Variants in PLCG2 observed in about 807,000 individuals in gnomAD.
The protein encoded by PLCG2 is phospholipase C gamma 2, also known as 1-phosphatidylinositol 4,5-bisphosphate phosphodiesterase gamma-2.
In PLCG2, 69 loss-of-function variants were observed where a neutral mutation model predicts 175.6. The observed-to-expected ratio is 0.39, with a 90% CI of 0.32 to 0.48. The LOEUF (loss-of-function observed/expected upper bound fraction) is 0.48, where lower values mean the gene tolerates loss of function less well. Ranked by LOEUF, PLCG2 falls within the 20% of genes least tolerant of loss-of-function variation. The pLI is 0.91. For synonymous variants in PLCG2, 827 were observed against 624.0 expected (o/e 1.33, Z -4.85); for missense variants, 1,798 against 1,650.9 (o/e 1.09, Z -1.54).
chr16:81,799,717 C>T (rs547301810), intron 2 of PLCG2, among the ~76,000 whole-genome samples: 9 of 151,986 alleles, frequency 5.9e-5, no homozygotes, highest in African/African-American at 7.3e-5. Context: ...CTCAACCTCC[C>T]GAGTAGCTGG....
At chr16:81,789,947 G>A (rs1389165206) in intron 2 of PLCG2, among the ~76,000 whole-genome samples, 1 of 151,774 alleles carries the variant, frequency 6.6e-6, no homozygotes, top group Non-Finnish European at 1.5e-5. Context: ...AAATCTCCGT[G>A]GAGCCTATAT....
intron 12 of PLCG2, among the ~76,000 whole-genome samples, chr16:81,894,372 T>C (rs1908782750): frequency 6.6e-6 from 1 of 152,150 alleles, no homozygotes; most frequent in Non-Finnish European, 1.5e-5. Context: ...GAGGCTGTGG[T>C]GAGCTGTGAT....
chr16:81,910,735 G>A lies in PLCG2; in HGVS notation c.1934+15G>A. 6.2e-7 allele frequency: 1 copy of A among 1,603,760 alleles called. No individual in the cohort carries two copies. Among genetic ancestry groups the A allele is most frequent in the Non-Finnish European group, 8.5e-7 (1 of 1,179,036 alleles). The stretch of plus-strand genomic sequence containing the variant: ...GAGTCCAAGCCGTACGTGTCTGAGG[G>A]TGGAGCAGGAGGCAGGCGGTGGTCG... On this transcript the variant is annotated intron_variant, in intron 18 of 32. Coordinates refer to ENST00000564138, the MANE Select transcript of PLCG2 (RefSeq NM_002661.5).
intron 14 of PLCG2, among the ~76,000 whole-genome samples, chr16:81,902,182 C>T (rs1033086500): frequency 6.6e-6 from 1 of 152,196 alleles, no homozygotes; most frequent in African/African-American, 2.4e-5. Context: ...TCTGAAGTCC[C>T]TAGCGGGGCA....
chr16:81,786,228 C>G (rs751247647), intron 2 of PLCG2, 46 bp downstream of exon 2: 3 of 1,497,500 alleles, frequency 2.0e-6, no homozygotes, highest in Admixed American at 1.8e-5. Flanking sequence ...CTCTGGGGCC[C>G]TGGCCTGAGC....
intron 2 of PLCG2, among the ~76,000 whole-genome samples, chr16:81,811,069 T>A (rs1446158486): frequency 6.6e-6 from 1 of 152,040 alleles, no homozygotes; most frequent in Non-Finnish European, 1.5e-5. Context: ...GGGACATGAG[T>A]GTGCACTTCC....
chr16:81,870,815 A>C, intron 6 of PLCG2, 37 bp from the exon 7 acceptor site: 2 of 1,159,566 alleles, frequency 1.7e-6, no homozygotes, highest in Non-Finnish European at 2.5e-6. Flanking sequence ...TACGGTGGAC[A>C]TCAAAAATCA....
chr16:81,782,165 C>T (rs1186454525), intron 1 of PLCG2, among the ~76,000 whole-genome samples: 1 of 152,080 alleles, frequency 6.6e-6, no homozygotes, highest in Non-Finnish European at 1.5e-5. Context: ...CATAAGCCAC[C>T]GTGCCTGGCC....
At chr16:81,764,831 C>T (rs563443458) in intron 2 of PLCG2, among the ~76,000 whole-genome samples, 2 of 152,100 alleles carry the variant, frequency 1.3e-5, no homozygotes, top group East Asian at 3.9e-4. Context: ...GGTTCAATCC[C>T]GTAATCCCAG....
intron 2 of PLCG2, among the ~76,000 whole-genome samples, chr16:81,811,866 A>G (rs1567476807): frequency 6.6e-6 from 1 of 152,080 alleles, no homozygotes; most frequent in African/African-American, 2.4e-5. Flanking sequence ...ATGATTTACA[A>G]TCCTTTCGGT....
chr16:81,826,899 C>G (rs1299520094), intron 2 of PLCG2, among the ~76,000 whole-genome samples: 1 of 152,188 alleles, frequency 6.6e-6, no homozygotes, highest in Non-Finnish European at 1.5e-5. Context: ...CATTTGAGGT[C>G]TTGGTTTATC....
intron 16 of PLCG2, 79 bp from the exon 17 acceptor site, chr16:81,908,337 G>A: frequency 7.5e-7 from 1 of 1,329,550 alleles, no homozygotes; most frequent in Non-Finnish European, 1.1e-6. Flanking sequence ...CTGGGTCAGG[G>A]TGAGACAGAA....
chr16:81,958,921 G>A lies in PLCG2; in HGVS notation c.*923G>A, dbSNP rs1349626033. The A allele has an allele frequency of 4.5e-6, 1 of 221,528 alleles. No individual in the cohort carries two copies. Among genetic ancestry groups the A allele is most frequent in the Non-Finnish European group, 9.0e-6 (1 of 110,748 alleles). 13.7% of individuals were successfully genotyped at this position (221,528 alleles called of 1,614,324 possible). ...TCTCTGGGTTACCCAGTCTTCTGGA[G>A]CAGCAAGCTGAGCTTTAATGGGCTA... On this transcript the variant is annotated 3_prime_UTR_variant, in exon 33 of 33. Transcript: ENST00000564138.
chr16:81,905,633 A>C (rs1269437264), intron 15 of PLCG2, 126 bp downstream of exon 15: 3 of 642,082 alleles, frequency 4.7e-6, no homozygotes, highest in Non-Finnish European at 8.5e-6. Context: ...AGTTTTTGCC[A>C]TGTGAATTTA....
chr16:81,827,691 G>A (rs1489216899), intron 2 of PLCG2, among the ~76,000 whole-genome samples: 2 of 152,140 alleles, frequency 1.3e-5, no homozygotes, highest in Admixed American at 6.5e-5. Flanking sequence ...GTGCATGTGT[G>A]CCTGGTGTAA....
chr16:81,883,597 G>C, intron 9 of PLCG2: 1 of 523,024 alleles, frequency 1.9e-6, no homozygotes, highest in Non-Finnish European at 3.5e-6. Context: ...CATTGAGGAT[G>C]AGAAGACTGA....
chr16:81,825,449 A>G (rs758862524), intron 2 of PLCG2, among the ~76,000 whole-genome samples: 1 of 151,924 alleles, frequency 6.6e-6, no homozygotes, highest in East Asian at 1.9e-4. Context: ...ATGCGCCAGC[A>G]CACCTGGCTA....
chr16:81,891,514 G>C lies in PLCG2; in HGVS notation c.910G>C (p.Glu304Gln). The change falls in exon 11 of 33, where the codon GAG becomes CAG. Residue 304 changes from glutamate (E) to glutamine (Q), a missense_variant. Transcript: ENST00000564138. ...TTCACGAGAAAACAGCATCTGGGATGAGAAGTATGACGCGGTGGACATGCA... is the reference window on the plus strand; with the variant it reads ...TTCACGAGAAAACAGCATCTGGGATCAGAAGTATGACGCGGTGGACATGCA... ...LFSRENSIWD[E>Q]KYDAVDMQDM... 1 of 1,612,176 alleles carries C rather than the reference G, an allele frequency of 6.2e-7. No homozygotes were observed. Among genetic ancestry groups the C allele is most frequent in the East Asian group, 2.2e-5 (1 of 44,858 alleles).
chr16:81,880,047 C>G (rs1908002027), intron 7 of PLCG2, among the ~76,000 whole-genome samples: 2 of 152,194 alleles, frequency 1.3e-5, no homozygotes, highest in African/African-American at 4.8e-5. Flanking sequence ...CAAGACCATC[C>G]TGGGCAACAT....
Sources: allele counts gnomAD v4.1 joint callset (sites outside exome capture counted in the v4.1 genomes callset), GRCh38; gene constraint gnomAD v4.1.1; transcripts MANE v1.5; gene names NCBI Gene and HGNC (gene_info 2026-07-23, HGNC 2026-07-21).